The following CAMK2B variants were observed in gnomAD, a reference collection of about 807,000 sequenced individuals.
The protein encoded by CAMK2B is calcium/calmodulin dependent protein kinase II beta.
A neutral mutation model predicts 93.7 loss-of-function variants in CAMK2B; 27 were observed. That is an observed-to-expected ratio of 0.29 (90% CI 0.21 to 0.40). The LOEUF is 0.40. Among genes scored for constraint, CAMK2B ranks in the 10% least tolerant of loss-of-function variants. The probability of loss-of-function intolerance (pLI) is 1.00; values close to 1 mark genes in which losing one functional copy is unlikely to be tolerated. For missense variants in CAMK2B, 568 were observed against 895.8 expected (o/e 0.63, Z 4.67); for synonymous variants, 374 against 358.8 (o/e 1.04, Z -0.48).
intron 20 of CAMK2B, among the ~76,000 whole-genome samples, chr7:44,226,189 C>T (rs563397024): frequency 3.9e-5 from 6 of 152,322 alleles, no homozygotes; most frequent in South Asian, 2.1e-4. Flanking sequence ...TTGCCACACG[C>T]GCAGACCCTT....
chr7:44,297,934 G>T (rs1382501975), intron 1 of CAMK2B, among the ~76,000 whole-genome samples: 1 of 152,194 alleles, frequency 6.6e-6, no homozygotes, highest in East Asian at 1.9e-4. Flanking sequence ...GACCAGCCTG[G>T]CCAACATGGC....
At chr7:44,272,769 G>A (rs1352175356) in intron 2 of CAMK2B, among the ~76,000 whole-genome samples, 3 of 152,080 alleles carry the variant, frequency 2.0e-5, no homozygotes, top group African/African-American at 7.2e-5. Context: ...GCTACACACT[G>A]GGGGGTCCAC....
At position 44,300,008 on chromosome 7, in the gene CAMK2B, A is replaced by ATGTG. The variant is rs931901667; in HGVS notation, c.66-15787_66-15784dup. 8.2e-4 allele frequency among the ~76,000 whole-genome samples: 98 copies of ATGTG among 119,036 alleles called. No individual in the cohort carries two copies. The Middle Eastern group carries it at 0.043, about 52-fold the overall frequency. 78.1% of individuals were successfully genotyped at this position (119,036 alleles called of 152,430 possible). A position where few individuals can be genotyped will look rare whatever the true frequency, so the allele number is the denominator to read the frequency against. ...TAACTATATGTATATATGTATGTATATGTGTATGTGTCTGTGTGTGTGTGT... is the reference window on the plus strand; with the variant it reads ...TAACTATATGTATATATGTATGTATATGTGTGTGTATGTGTCTGTGTGTGTGTGT... On this transcript the variant is annotated intron_variant, in intron 1 of 23. Coordinates refer to ENST00000395749, the MANE Select transcript of CAMK2B (RefSeq NM_001220.5).
At chr7:44,281,605 T>C (rs2129092619) in intron 2 of CAMK2B, among the ~76,000 whole-genome samples, 1 of 152,292 alleles carries the variant, frequency 6.6e-6, no homozygotes, top group Middle Eastern at 3.4e-3. Flanking sequence ...AGCAGCTTCC[T>C]GCCCTCTGCT....
intron 2 of CAMK2B, among the ~76,000 whole-genome samples, chr7:44,263,614 T>C (rs2096899437): frequency 6.6e-6 from 1 of 151,782 alleles, no homozygotes; most frequent in African/African-American, 2.4e-5. Flanking sequence ...CCCCACAAGG[T>C]GCGGGGCCCA....
chr7:44,318,181 C>T (rs1424511321), intron 1 of CAMK2B, among the ~76,000 whole-genome samples: 1 of 152,220 alleles, frequency 6.6e-6, no homozygotes, highest in Non-Finnish European at 1.5e-5. Context: ...AACAAGAAGT[C>T]ATGTGAACAA....
Position 44,311,765 on chromosome 7 carries a change from G to A in CAMK2B, c.65+13592C>T, listed in dbSNP as rs1793619047. ...GGGAAACCAGAGGCCTTCAGGCCTG[G>A]GTCTCTGCTCCCACCTGCAGACAGG... On this transcript the variant is annotated intron_variant, in intron 1 of 23. Coordinates refer to ENST00000395749, the MANE Select transcript of CAMK2B (RefSeq NM_001220.5). This position sits in a 1 kb window ranked among gnomAD's most constrained non-coding sequence, Gnocchi z 4.2. Among the ~76,000 whole-genome samples, 1 of 152,192 alleles carries A rather than the reference G, an allele frequency of 6.6e-6. No homozygotes were observed. Among genetic ancestry groups the A allele is most frequent in the Admixed American group, 6.5e-5 (1 of 15,282 alleles).
chr7:44,255,745 G>C (rs1343600729), intron 4 of CAMK2B, among the ~76,000 whole-genome samples: 1 of 152,208 alleles, frequency 6.6e-6, no homozygotes, highest in Non-Finnish European at 1.5e-5. Context: ...GACCCAGGGA[G>C]TGGATCTGTT....
At position 44,325,411 on chromosome 7, in the gene CAMK2B, G is replaced by A; in HGVS notation, c.11C>T (p.Thr4Met). 2 of 1,182,250 alleles carry A rather than the reference G, an allele frequency of 1.7e-6. No individual in the cohort carries two copies. Among genetic ancestry groups the A allele is most frequent in the South Asian group, 2.2e-5 (1 of 45,892 alleles). 73.2% of individuals were successfully genotyped at this position (1,182,250 alleles called of 1,614,324 possible). ...GTCGGTGAAGCGGGTGCAGGTCACC[G>A]TGGTGGCCATGGCGGCGGCGGACGG... Reference protein sequence around the residue: MATTVTCTRFTDEY... With the variant: MATMVTCTRFTDEY... Residue 4 changes from threonine (T) to methionine (M), a missense_variant, in exon 1 of 24, where the codon ACG (threonine) becomes ATG (methionine). Thr to Met is a moderately conservative substitution (Grantham distance 81). Around this residue, in one of 4 missense-constraint regions of CAMK2B, gnomAD observed 39 missense variants for 43.4 expected, o/e 0.90. Coordinates refer to ENST00000395749, the MANE Select transcript of CAMK2B (RefSeq NM_001220.5).
chr7:44,228,865 C>T lies in CAMK2B; in HGVS notation c.1399G>A (p.Glu467Lys), dbSNP rs374476287. Reference sequence around the variant, plus strand: ...GGGGGCCCCGCTGAGAGGGGGCCCTCGGCTTCTGGGGTTCCTGAACCCCTT... The same window carrying T: ...GGGGGCCCCGCTGAGAGGGGGCCCTTGGCTTCTGGGGTTCCTGAACCCCTT... The part of the protein sequence containing the change: ...VRRGSGTPEA[E>K]GPLSAGPPPC... Residue 467 changes from glutamate (E) to lysine (K), a missense_variant, in exon 19 of 24, where the codon GAG becomes AAG. Coordinates refer to ENST00000395749, the MANE Select transcript of CAMK2B (RefSeq NM_001220.5). 4.4e-5 allele frequency: 69 copies of T among 1,554,284 alleles called. No homozygotes were observed. The South Asian group carries it at 4.6e-4, about 10-fold the overall frequency.
intron 1 of CAMK2B, among the ~76,000 whole-genome samples, chr7:44,302,598 A>G (rs990637386): frequency 2.0e-5 from 3 of 152,204 alleles, no homozygotes; most frequent in Non-Finnish European, 2.9e-5. Flanking sequence ...GTCTTGTTCA[A>G]TATTCAAAAA....
rs1562813271 is a variant in CAMK2B, at chr7:44,228,839, CG to C, written c.1424del (p.Pro475ArgfsTer9). 19 of 1,497,484 alleles carry C rather than the reference CG, an allele frequency of 1.3e-5. No individual in the cohort carries two copies. Among genetic ancestry groups the C allele is most frequent in the Middle Eastern group, 3.7e-4 (2 of 5,440 alleles). The allele number at this position is 1,497,484 out of a possible 1,614,324, so 92.8% of individuals were successfully genotyped here. ...EAEGPLSAGP[P>X]PCLSPALLGP... ...CTAGGAGAGCCGGAGACAGGCAGGGCGGGGGCCCCGCTGAGAGGGGGCCCTC... is the reference window on the plus strand; with the variant it reads ...CTAGGAGAGCCGGAGACAGGCAGGGCGGGGCCCCGCTGAGAGGGGGCCCTC... On this transcript the variant is annotated frameshift_variant, in exon 19 of 24. Coordinates refer to ENST00000395749, the MANE Select transcript of CAMK2B (RefSeq NM_001220.5). LOFTEE classifies it high-confidence loss of function.
intron 22 of CAMK2B, 128 bp downstream of exon 22, chr7:44,220,488 G>A (rs1485694045): frequency 3.3e-6 from 3 of 913,680 alleles, no homozygotes; most frequent in Non-Finnish European, 5.0e-6. Flanking sequence ...GGGGAGAGGT[G>A]GCTGGCCAAC....
intron 1 of CAMK2B, among the ~76,000 whole-genome samples, chr7:44,322,892 C>T (rs1182208823): frequency 6.6e-6 from 1 of 152,232 alleles, no homozygotes; most frequent in Admixed American, 6.5e-5. Flanking sequence ...GTGGCTGCAG[C>T]TTTAAATAAA....
chr7:44,241,847 C>A, intron 10 of CAMK2B, 64 bp from the exon 11 acceptor site: 2 of 1,396,026 alleles, frequency 1.4e-6, no homozygotes, highest in South Asian at 1.2e-5. Flanking sequence ...GCCAGGGTGG[C>A]AAGGCTTGTG....
rs2096754233 is a variant in CAMK2B at position 44,248,834 on chromosome 7, G to A, written c.342-1642C>T. On this transcript the variant is annotated intron_variant, in intron 5 of 23. Coordinates refer to ENST00000395749, the MANE Select transcript of CAMK2B (RefSeq NM_001220.5). This position sits in a 1 kb window ranked among gnomAD's most constrained non-coding sequence, Gnocchi z 4.1. ...CTAATGGGTGATGGACTCCTGAGGT[G>A]TGTGGGGTCAGAAGAAGCCAGGCCC... Among the ~76,000 whole-genome samples, 1 of 152,190 alleles carries A rather than the reference G, an allele frequency of 6.6e-6. No homozygotes were observed. The highest frequency in any genetic ancestry group is 2.4e-5 in the African/African-American group (1 of 41,438).
At chr7:44,254,420 G>A (rs1212089218) in intron 5 of CAMK2B, 122 bp downstream of exon 5, 5 of 741,190 alleles carry the variant, frequency 6.7e-6, no homozygotes, top group Admixed American at 1.9e-5. Context: ...GCTCTGGGGT[G>A]TGGGTGAGCA....
chr7:44,234,253 G>T (rs1259720665), intron 15 of CAMK2B, 137 bp downstream of exon 15: 1 of 711,334 alleles, frequency 1.4e-6, no homozygotes, highest in Non-Finnish European at 2.3e-6. Context: ...GGGATGAGGG[G>T]CGGGGGCCAT....
At position 44,242,548 on chromosome 7, in the gene CAMK2B, T is replaced by C. The variant is rs1261609628; in HGVS notation, c.696+12A>G. On this transcript the variant is annotated intron_variant, in intron 9 of 23. Coordinates refer to ENST00000395749, the MANE Select transcript of CAMK2B (RefSeq NM_001220.5). ...GGAAGGGAGCTCATCAGAGAGGGGC[T>C]GGTGCACTCACGTCATAGGCACCAG... 2 of 1,598,082 alleles carry C rather than the reference T, an allele frequency of 1.3e-6. No individual in the cohort carries two copies. Among genetic ancestry groups the C allele is most frequent in the Non-Finnish European group, 1.7e-6 (2 of 1,169,442 alleles).
Sources: gnomAD v4.1 joint callset for allele counts (sites outside exome capture counted in the v4.1 genomes callset) on GRCh38, gnomAD v4.1.1 for gene constraint, gnomAD v4.1.1 regional missense constraint, Gnocchi (gnomAD v3.1) non-coding constraint, MANE v1.5 for transcripts, NCBI Gene and HGNC (gene_info 2026-07-23, HGNC 2026-07-21) for gene names.